Variants in HTT observed in about 807,000 individuals in gnomAD.
HTT encodes huntingtin.
HTT carries 104 observed loss-of-function variants against 362.3 expected under a neutral mutation model. The ratio of observed to expected loss-of-function variants is 0.29; its 90% CI spans 0.24 to 0.34. The LOEUF (loss-of-function observed/expected upper bound fraction) is 0.34, where lower values mean the gene tolerates loss of function less well. Ranked by LOEUF, HTT falls within the 10% of genes least tolerant of loss-of-function variation. The pLI, the probability that HTT is intolerant of heterozygous loss-of-function variation, is 1.00. For synonymous variants in HTT, 1,577 were observed against 1,548.7 expected, an observed-to-expected ratio of 1.02 and a Z score of -0.43; for missense variants, 3,301 against 3,928.6, an observed-to-expected ratio of 0.84 and a Z score of 4.27.
chr4:3,156,383 G>C (rs527948318), intron 27 of HTT, among the ~76,000 whole-genome samples: 2 of 152,308 alleles, frequency 1.3e-5, no homozygotes, highest in South Asian at 4.1e-4. Context: ...GCCTGCCAAA[G>C]TGCTGGGATT....
chr4:3,093,544 C>T (rs1019043696), intron 2 of HTT, among the ~76,000 whole-genome samples: 9 of 152,122 alleles, frequency 5.9e-5, no homozygotes, highest in Non-Finnish European at 1.2e-4. Context: ...TCCCTGGAGC[C>T]TGTAAATATT....
At chr4:3,165,501 A>T (rs1167717981) in intron 29 of HTT, among the ~76,000 whole-genome samples, 1 of 152,042 alleles carries the variant, frequency 6.6e-6, no homozygotes, top group Non-Finnish European at 1.5e-5. Flanking sequence ...TATCCTGAAG[A>T]GTGTTTTCTA....
chr4:3,191,250 C>T (rs748022699), intron 40 of HTT, among the ~76,000 whole-genome samples: 36 of 151,762 alleles, frequency 2.4e-4, no homozygotes, highest in Non-Finnish European at 3.8e-4. Context: ...CTCGGCTCAC[C>T]GCAACCTCTG....
At chr4:3,235,211 G>A (rs1721465319) in intron 61 of HTT, 73 bp from the exon 62 acceptor site, 3 of 1,085,202 alleles carry the variant, frequency 2.8e-6, no homozygotes, top group Non-Finnish European at 4.2e-6. Context: ...CCCGCGTGGG[G>A]CCGGACATGC....
chr4:3,192,642 G>A (rs543633444), intron 40 of HTT, among the ~76,000 whole-genome samples: 1 of 152,220 alleles, frequency 6.6e-6, no homozygotes, highest in Non-Finnish European at 1.5e-5. Context: ...ATGGTCTGCT[G>A]CAAGGGATAG....
chr4:3,129,907 C>G lies in HTT; in HGVS notation c.1744-17C>G, dbSNP rs372648405. Reference sequence around the variant, plus strand: ...ATCACACTTCAAAATTCTCACAGCCCCCCTTGAACCGTTTAGGTGTTAGAC... The same window carrying G: ...ATCACACTTCAAAATTCTCACAGCCGCCCTTGAACCGTTTAGGTGTTAGAC... On this transcript the variant is annotated splice_polypyrimidine_tract_variant and intron_variant, in intron 12 of 66. Transcript: ENST00000355072. 6.2e-7 allele frequency: 1 copy of G among 1,613,804 alleles called. No individual in the cohort carries two copies. The highest frequency in any genetic ancestry group is 8.5e-7 in the Non-Finnish European group (1 of 1,179,836).
chr4:3,182,491 CTTG>C (rs770663908), intron 37 of HTT, 21 bp downstream of exon 37: 83 of 1,490,524 alleles, frequency 5.6e-5, no homozygotes, highest in Non-Finnish European at 4.5e-5. Flanking sequence ...GCAGCCTTGG[CTTG>C]TTGTTGCATA....
At position 3,145,222 on chromosome 4, in the gene HTT, A is replaced by G; in HGVS notation, c.3137A>G (p.His1046Arg). 6.2e-7 allele frequency: 1 copy of G among 1,607,670 alleles called. No individual in the cohort carries two copies. Among genetic ancestry groups the G allele is most frequent in the Non-Finnish European group, 8.5e-7 (1 of 1,174,112 alleles). ...FPVCIWSLGWHCGVPPLSASD... is the reference protein window; with the variant it reads ...FPVCIWSLGWRCGVPPLSASD... ...GTTTGCATTTGGAGTTTAGGTTGGC[A>G]CTGTGGGTATGTATTTTCCTCAGTA... is the stretch of plus-strand genomic sequence containing the variant. Residue 1046 changes from histidine to arginine, a missense_variant, in exon 24 of 67, where the codon CAC becomes CGC. His to Arg is a conservative substitution (Grantham distance 29). Transcript: ENST00000355072.
At position 3,074,911 on chromosome 4, in the gene HTT, AGC is replaced by A. The variant is rs1560534924; in HGVS notation, c.87_88del (p.Gln30AlafsTer52). On this transcript the variant is annotated frameshift_variant, in exon 1 of 67. Coordinates refer to ENST00000355072, the MANE Select transcript of HTT (RefSeq NM_001388492.1). LOFTEE classifies it high-confidence loss of function. ...CAGCAGCAGCAGCAGCAGCAGCAGCAGCAGCAGCAGCAGCAGCAGCAGCAACA... is the reference window on the plus strand; with the variant it reads ...CAGCAGCAGCAGCAGCAGCAGCAGCAAGCAGCAGCAGCAGCAGCAGCAACA... The A allele has an allele frequency of 2.4e-4, 368 of 1,502,250 alleles. 1 individual carries two copies. In the African/African-American group the frequency reaches 3.4e-3, roughly 14 times the overall value. 93.1% of individuals were successfully genotyped at this position (1,502,250 alleles called of 1,614,324 possible).
Position 3,229,916 on chromosome 4 carries a change from G to A in HTT, c.8139G>A (p.Glu2713=). The change falls in exon 60 of 67, where the codon GAG becomes GAA. Residue 2713 remains glutamate (E), a synonymous_variant. Coordinates refer to ENST00000355072, the MANE Select transcript of HTT (RefSeq NM_001388492.1). Reference sequence around the variant, plus strand: ...TAGTGGTCTCAGACTTGTTCACCGAGCGCAACCAGTTTGAGCTGATGTATG... The same window carrying A: ...TAGTGGTCTCAGACTTGTTCACCGAACGCAACCAGTTTGAGCTGATGTATG... ...SLLVVSDLFT[E]RNQFELMYVT... is the part of the protein sequence containing the mutation. The A allele has an allele frequency of 6.2e-7, 1 of 1,614,202 alleles. No individual in the cohort carries two copies. Among genetic ancestry groups the A allele is most frequent in the South Asian group, 1.1e-5 (1 of 91,088 alleles).
chr4:3,141,239 G>C (rs1716330972), intron 22 of HTT, among the ~76,000 whole-genome samples: 1 of 152,210 alleles, frequency 6.6e-6, no homozygotes, highest in South Asian at 2.1e-4. Flanking sequence ...GAAGTGATAA[G>C]ACTTGTGCTT....
At chr4:3,230,648 G>C (rs887630513) in intron 60 of HTT, among the ~76,000 whole-genome samples, 1 of 152,166 alleles carries the variant, frequency 6.6e-6, no homozygotes, top group Non-Finnish European at 1.5e-5. Context: ...CTGGGGGCTG[G>C]AAGTTTTCAT....
chr4:3,108,665 A>C (rs111978948), intron 6 of HTT, among the ~76,000 whole-genome samples: 1 of 152,214 alleles, frequency 6.6e-6, no homozygotes, highest in South Asian at 2.1e-4. Context: ...TGTTGAACGT[A>C]GAATCCGTTA....
At chr4:3,131,865 A>T (rs1020508810) in intron 16 of HTT, 90 bp downstream of exon 16, 9 of 1,285,720 alleles carry the variant, frequency 7.0e-6, no homozygotes, top group Non-Finnish European at 9.8e-6. Flanking sequence ...TTAGAGCAGT[A>T]AGTGTTTTGA....
chr4:3,161,528 A>G (rs1717444291), intron 29 of HTT, among the ~76,000 whole-genome samples: 1 of 152,132 alleles, frequency 6.6e-6, no homozygotes, highest in Admixed American at 6.5e-5. Flanking sequence ...ACTAATTTAC[A>G]CTCCCACCAA....
At chr4:3,213,924 A>C in intron 49 of HTT, 34 bp from the exon 50 acceptor site, 1 of 1,486,410 alleles carries the variant, frequency 6.7e-7, no homozygotes, top group Non-Finnish European at 9.0e-7. Context: ...AAGGTACACG[A>C]GTGGGCATTC....
rs1381934565 is a variant in HTT, at chr4:3,209,935, T to C, written c.6400T>C (p.Phe2134Leu). Reference sequence around the variant, plus strand: ...GATTCCTGCTGAAGATATGAATGCCTTCATGATGAACTCGGTACGGGGGGA... The same window carrying C: ...GATTCCTGCTGAAGATATGAATGCCCTCATGATGAACTCGGTACGGGGGGA... ...NRIPAEDMNA[F>L]MMNSEFNLSL... The change falls in exon 47 of 67, where the codon TTC (phenylalanine) becomes CTC (leucine). Residue 2134 changes from phenylalanine to leucine, a missense_variant. By Grantham distance (22) the Phe-to-Leu change is conservative. Transcript: ENST00000355072. 1 of 1,613,908 alleles carries C rather than the reference T, an allele frequency of 6.2e-7. No individual in the cohort carries two copies. The highest frequency in any genetic ancestry group is 1.3e-5 in the African/African-American group (1 of 74,934).
intron 35 of HTT, 52 bp from the exon 36 acceptor site, chr4:3,180,463 C>A: frequency 6.7e-7 from 1 of 1,495,046 alleles, no homozygotes; most frequent in Non-Finnish European, 8.9e-7. Flanking sequence ...AGCAGTTTTC[C>A]AAATGTAATT....
At chr4:3,199,699 A>G (rs1359043077) in intron 40 of HTT, 33 bp from the exon 41 acceptor site, 1 of 1,599,322 alleles carries the variant, frequency 6.3e-7, no homozygotes, top group Admixed American at 1.7e-5. Flanking sequence ...CCGAGATGAA[A>G]GCAAAGACAT....
Sources: gnomAD v4.1 joint callset for allele counts (sites outside exome capture counted in the v4.1 genomes callset) on GRCh38, gnomAD v4.1.1 for gene constraint, MANE v1.5 for transcripts, NCBI Gene and HGNC (gene_info 2026-07-23, HGNC 2026-07-21) for gene names.